CACNG8: variants seen among roughly 807,000 people sequenced by gnomAD.
CACNG8 encodes the protein calcium voltage-gated channel auxiliary subunit gamma 8.
CACNG8 carries 5 observed loss-of-function variants against 26.9 expected under a neutral mutation model. The observed-to-expected ratio is 0.19, with a 90% CI of 0.10 to 0.39. The LOEUF is 0.39. Ranked by LOEUF, CACNG8 falls within the 10% of genes least tolerant of loss-of-function variation. The pLI, the probability that CACNG8 is intolerant of heterozygous loss-of-function variation, is 1.00. For synonymous variants in CACNG8, 321 were observed against 296.7 expected (o/e 1.08, Z -0.84); for missense variants, 473 against 609.4 (o/e 0.78, Z 2.36).
chr19:53,975,773 G>C (rs1191048195), intron 1 of CACNG8, among the ~76,000 whole-genome samples: 1 of 152,226 alleles, frequency 6.6e-6, no homozygotes, highest in South Asian at 2.1e-4. Flanking sequence ...GAACAGCCCA[G>C]ATGCTCACAT....
rs1337285826 is a variant in CACNG8, at chr19:53,974,056, TC to T, written c.284-4088del. ...TCAGTAGTGGTAAGTGCAACCAATT[TC>T]CAGAACTCTTTTCGTCTTGCAAAAT... On this transcript the variant is annotated intron_variant, in intron 1 of 3. Coordinates refer to ENST00000270458, the MANE Select transcript of CACNG8 (RefSeq NM_031895.6). 2.6e-5 allele frequency among the ~76,000 whole-genome samples: 4 copies of T among 152,340 alleles called. No homozygotes were observed. In the East Asian group the frequency reaches 7.7e-4, roughly 29 times the overall value.
Position 53,963,437 on chromosome 19 carries a change from G to C in CACNG8, c.283+12G>C. 3 of 1,435,966 alleles carry C rather than the reference G, an allele frequency of 2.1e-6. No individual in the cohort carries two copies. In the South Asian group the frequency reaches 4.4e-5, roughly 21 times the overall value. The allele number at this position is 1,435,966 out of a possible 1,614,324, so 89.0% of individuals were successfully genotyped here. On this transcript the variant is annotated intron_variant, in intron 1 of 3. Coordinates refer to ENST00000270458, the MANE Select transcript of CACNG8 (RefSeq NM_031895.6). ...CTGCTGCCTGGAAGGTAGGGTGCGG[G>C]CGGCCCTCCCCGCAGCCCCCGCCGC...
chr19:53,968,475 A>G (rs896578708), intron 1 of CACNG8, among the ~76,000 whole-genome samples: 2 of 151,772 alleles, frequency 1.3e-5, no homozygotes, highest in Non-Finnish European at 2.9e-5. Flanking sequence ...TACTATTAAA[A>G]TGTGAGGGAG....
chr19:53,967,322 G>A (rs2069277073), intron 1 of CACNG8, among the ~76,000 whole-genome samples: 1 of 152,128 alleles, frequency 6.6e-6, no homozygotes. Flanking sequence ...ATGAAGGAGA[G>A]GGACCATGGG....
chr19:53,967,852 TG>T (rs998527854), intron 1 of CACNG8, among the ~76,000 whole-genome samples: 1 of 152,090 alleles, frequency 6.6e-6, no homozygotes, highest in African/African-American at 2.4e-5. Flanking sequence ...CTTTTTTTTT[TG>T]AATTCCATGT....
rs1371009407 is a variant in CACNG8, at chr19:53,966,579, A to G, written c.283+3154A>G. Among the ~76,000 whole-genome samples, 4 of 151,876 alleles carry G rather than the reference A, an allele frequency of 2.6e-5. No homozygotes were observed. In the East Asian group the frequency reaches 7.8e-4, roughly 29 times the overall value. On this transcript the variant is annotated intron_variant, in intron 1 of 3. Coordinates refer to ENST00000270458, the MANE Select transcript of CACNG8 (RefSeq NM_031895.6). ...AGGCACATGCCCCCATTTTTTGTAG[A>G]CACAGGGTCTCACTATATTGCCCAG...
intron 1 of CACNG8, among the ~76,000 whole-genome samples, chr19:53,963,720 C>A (rs761679704): frequency 5.3e-5 from 8 of 152,096 alleles, no homozygotes; most frequent in Admixed American, 5.2e-4. Context: ...CTGCGCTGCC[C>A]CATCACACCC....
chr19:53,966,408 T>C, intron 1 of CACNG8, among the ~76,000 whole-genome samples: 1 of 151,846 alleles, frequency 6.6e-6, no homozygotes, highest in East Asian at 1.9e-4. Context: ...TTTGTTTTTG[T>C]TTTGTTTTTC....
intron 1 of CACNG8, among the ~76,000 whole-genome samples, chr19:53,969,004 T>C (rs1360368598): frequency 6.6e-6 from 1 of 152,040 alleles, no homozygotes; most frequent in African/African-American, 2.4e-5. Context: ...TTTATTTATT[T>C]TTATTAATTT....
chr19:53,975,137 C>T (rs905554289), intron 1 of CACNG8, among the ~76,000 whole-genome samples: 12 of 151,750 alleles, frequency 7.9e-5, no homozygotes, highest in South Asian at 4.2e-4. Flanking sequence ...TTAGTAGAGA[C>T]GGGGTTTCAC....
chr19:53,970,632 A>G (rs1279819103), intron 1 of CACNG8, among the ~76,000 whole-genome samples: 1 of 151,486 alleles, frequency 6.6e-6, no homozygotes, highest in African/African-American at 2.4e-5. Context: ...AGTGAGAAAG[A>G]AAAAGGAAAT....
At chr19:53,969,614 A>G (rs1187515300) in intron 1 of CACNG8, among the ~76,000 whole-genome samples, 2 of 152,030 alleles carry the variant, frequency 1.3e-5, no homozygotes, top group African/African-American at 4.8e-5. Flanking sequence ...ATGAAGCAAC[A>G]AATCCACTTG....
At chr19:53,980,804 C>T (rs2069362059) in intron 3 of CACNG8, among the ~76,000 whole-genome samples, 1 of 152,246 alleles carries the variant, frequency 6.6e-6, no homozygotes, top group Non-Finnish European at 1.5e-5. Flanking sequence ...AGGGGTAAGG[C>T]CCCCTTTCTA....
chr19:53,974,046 G>A (rs1037084139), intron 1 of CACNG8, among the ~76,000 whole-genome samples: 5 of 152,126 alleles, frequency 3.3e-5, no homozygotes, highest in Non-Finnish European at 7.3e-5. Flanking sequence ...AGTGGTAAGT[G>A]CAACCAATTT....
rs186146252 is a variant in CACNG8, at chr19:53,983,071, T to C, written c.*222T>C. The C allele has an allele frequency of 0.057, 11,497 of 201,982 alleles. 465 individuals carry two copies. Among genetic ancestry groups the C allele is most frequent in the African/African-American group, 0.1 (4,194 of 40,706 alleles). The allele number at this position is 201,982 out of a possible 1,614,324, so 12.5% of individuals were successfully genotyped here. ...GGGGCCGCTGTGAGGGAGCGTCGTG[T>C]TTTATTTTTTTGGGGGATCTATGGG... On this transcript the variant is annotated 3_prime_UTR_variant, in exon 4 of 4. Transcript: ENST00000270458.
rs766597417 is a variant in CACNG8, at chr19:53,986,554, C to T, written c.*3705C>T. 6.6e-6 allele frequency: 1 copy of T among 152,184 alleles called. No homozygotes were observed. The highest frequency in any genetic ancestry group is 1.5e-5 in the Non-Finnish European group (1 of 68,060). The allele number at this position is 152,184 out of a possible 1,614,324, so 9.4% of individuals were successfully genotyped here. On this transcript the variant is annotated 3_prime_UTR_variant, in exon 4 of 4. Coordinates refer to ENST00000270458, the MANE Select transcript of CACNG8 (RefSeq NM_031895.6). ...AGGAGTTCGAGACCAGCCTGGTCAA[C>T]ATGGTGAAACTTCATCTCTACCAAT... is the stretch of plus-strand genomic sequence containing the variant.
chr19:53,977,275 T>C (rs2069335250), intron 1 of CACNG8, among the ~76,000 whole-genome samples: 1 of 152,208 alleles, frequency 6.6e-6, no homozygotes, highest in Non-Finnish European at 1.5e-5. Context: ...GCAAAGAATG[T>C]GAGCTGGAAT....
Position 53,982,899 on chromosome 19 carries a change from C to T in CACNG8, c.*50C>T, listed in dbSNP as rs1273803954. The T allele has an allele frequency of 2.5e-6, 3 of 1,186,244 alleles. No homozygotes were observed. Among genetic ancestry groups the T allele is most frequent in the East Asian group, 4.0e-5 (1 of 24,976 alleles). 73.5% of individuals were successfully genotyped at this position (1,186,244 alleles called of 1,614,324 possible). ...CGTGTCCGGGGCGCGTGCGCGGGCG[C>T]GCGTGCATCGAGGCTGCCGGGGTCG... On this transcript the variant is annotated 3_prime_UTR_variant, in exon 4 of 4. Coordinates refer to ENST00000270458, the MANE Select transcript of CACNG8 (RefSeq NM_031895.6). This position sits in a 1 kb window ranked among gnomAD's most constrained non-coding sequence, Gnocchi z 8.4.
chr19:53,979,586 TAA>T (rs969729437), intron 2 of CACNG8, among the ~76,000 whole-genome samples: 2 of 146,534 alleles, frequency 1.4e-5, no homozygotes, highest in South Asian at 2.2e-4. Context: ...TTTCGATAAA[TAA>T]AGAGGGGGAA....
Sources: gnomAD v4.1 joint callset for allele counts (sites outside exome capture counted in the v4.1 genomes callset) on GRCh38, gnomAD v4.1.1 for gene constraint, Gnocchi (gnomAD v3.1) non-coding constraint, MANE v1.5 for transcripts, NCBI Gene and HGNC (gene_info 2026-07-23, HGNC 2026-07-21) for gene names.